The following DMD variants were observed in gnomAD, a reference collection of about 807,000 sequenced individuals.
DMD encodes the protein dystrophin.
DMD carries 63 observed loss-of-function variants against 330.1 expected under a neutral mutation model. The ratio of observed to expected loss-of-function variants is 0.19; its 90% confidence interval spans 0.16 to 0.24. The LOEUF (loss-of-function observed/expected upper bound fraction) is 0.24. Among genes scored for constraint, DMD ranks in the 10% least tolerant of loss-of-function variants. The pLI, the probability that DMD is intolerant of heterozygous loss-of-function variation, is 1.00. For synonymous variants in DMD, 1,223 were observed against 959.8 expected (o/e 1.27, Z -5.07); for missense variants, 3,344 against 2,684.1 (o/e 1.25, Z -5.43).
intron 1 of DMD, among the ~76,000 whole-genome samples, chrX:33,336,391 G>A (rs1156690355): frequency 9.1e-6 from 1 of 109,941 alleles, no homozygotes; most frequent in Admixed American, 9.9e-5. Context: ...ACATTTCAAA[G>A]CATATTTCTT....
intron 12 of DMD, among the ~76,000 whole-genome samples, chrX:32,602,166 A>C (rs1030607017): frequency 8.9e-6 from 1 of 111,912 alleles, no homozygotes; most frequent in Non-Finnish European, 1.9e-5. Flanking sequence ...TACATTAATA[A>C]AAGTAGGTTC....
chrX:32,271,206 A>C (rs1255269388), intron 43 of DMD, among the ~76,000 whole-genome samples: 2 of 112,024 alleles, frequency 1.8e-5, no homozygotes, highest in African/African-American at 6.5e-5. Flanking sequence ...GAAACTAAAA[A>C]AGCATTTCAA....
At chrX:32,380,169 T>C (rs113681467) in intron 34 of DMD, among the ~76,000 whole-genome samples, 7 of 111,544 alleles carry the variant, frequency 6.3e-5, no homozygotes, top group African/African-American at 2.3e-4. Flanking sequence ...CTTGCCCTCT[T>C]CATGGCTGTG....
At chrX:31,153,505 T>C (rs2037715021) in intron 74 of DMD, among the ~76,000 whole-genome samples, 1 of 111,121 alleles carries the variant, frequency 9.0e-6, no homozygotes, top group Admixed American at 9.6e-5. Context: ...TTCACAGAGA[T>C]GTTCATCTTG....
At chrX:32,776,291 C>CG (rs919968840) in intron 7 of DMD, among the ~76,000 whole-genome samples, 1 of 108,860 alleles carries the variant, frequency 9.2e-6, no homozygotes, top group Non-Finnish European at 1.9e-5. Context: ...GACCCCCCCC[C>CG]CAAATTGTTC....
At chrX:32,019,376 T>C (rs2095790858) in intron 44 of DMD, among the ~76,000 whole-genome samples, 1 of 112,011 alleles carries the variant, frequency 8.9e-6, no homozygotes, top group Non-Finnish European at 1.9e-5. Flanking sequence ...CCGAATTTTA[T>C]AATTTTTTCA....
At chrX:32,631,868 G>A (rs375054994) in intron 11 of DMD, among the ~76,000 whole-genome samples, 1 of 110,918 alleles carries the variant, frequency 9.0e-6, no homozygotes, top group East Asian at 2.9e-4. Context: ...TGTGAGATCT[G>A]GGCAAGAACA....
At chrX:32,350,945 G>A (rs922186589) in intron 37 of DMD, among the ~76,000 whole-genome samples, 1 of 110,584 alleles carries the variant, frequency 9.0e-6, no homozygotes, top group Non-Finnish European at 1.9e-5. Flanking sequence ...ACTTCTGTAT[G>A]AAAATGCATA....
chrX:31,246,505 G>A (rs1046013364), intron 63 of DMD, among the ~76,000 whole-genome samples: 26 of 112,422 alleles, frequency 2.3e-4, no homozygotes, highest in African/African-American at 7.7e-4. Flanking sequence ...AGCTCTAGAG[G>A]AGAAATCAAT....
At chrX:31,890,282 G>C (rs1439723428) in intron 47 of DMD, among the ~76,000 whole-genome samples, 4 of 106,736 alleles carry the variant, frequency 3.7e-5, no homozygotes, top group African/African-American at 1.0e-4. Context: ...GCCGAGGAAG[G>C]AGGACTGCTT....
At chrX:32,396,216 A>G (rs1390144470) in intron 30 of DMD, among the ~76,000 whole-genome samples, 1 of 111,565 alleles carries the variant, frequency 9.0e-6, no homozygotes, top group Admixed American at 9.6e-5. Context: ...CTCAAGGCAA[A>G]GCATTCCATG....
intron 1 of DMD, among the ~76,000 whole-genome samples, chrX:33,059,505 G>C (rs1389843387): frequency 9.0e-6 from 1 of 110,937 alleles, no homozygotes; most frequent in Non-Finnish European, 1.9e-5. Context: ...TCTTTTGCTA[G>C]GGCTGAGGAG....
At chrX:31,612,799 G>A (rs183836521) in intron 55 of DMD, among the ~76,000 whole-genome samples, 31 of 112,198 alleles carry the variant, frequency 2.8e-4, no homozygotes, top group Admixed American at 9.4e-4. Flanking sequence ...GGTATTTATC[G>A]TGCTTAAGAT....
chrX:32,267,084 T>TG (rs1315946586), intron 43 of DMD, among the ~76,000 whole-genome samples: 3 of 112,503 alleles, frequency 2.7e-5, no homozygotes, highest in Non-Finnish European at 5.6e-5. Flanking sequence ...TTGCCACTGT[T>TG]GTTTCCTTAT....
At chrX:31,279,173 A>G (rs913568988) in intron 62 of DMD, among the ~76,000 whole-genome samples, 2 of 112,172 alleles carry the variant, frequency 1.8e-5, no homozygotes, top group Non-Finnish European at 3.8e-5. Context: ...AGTATTTCTT[A>G]TATTTTTAAA....
chrX:31,755,679 A>C (rs1329868816), intron 51 of DMD, among the ~76,000 whole-genome samples: 2 of 112,145 alleles, frequency 1.8e-5, no homozygotes, highest in African/African-American at 6.5e-5. Flanking sequence ...AACTCCTTAC[A>C]TTCAACAATA....
intron 42 of DMD, among the ~76,000 whole-genome samples, chrX:32,292,299 A>ATTTTTTTTTTTT (rs1355530949): frequency 9.7e-5 from 3 of 30,859 alleles, no homozygotes; most frequent in Admixed American, 4.7e-4. Flanking sequence ...CAAAGGGAAT[A>ATTTTTTTTTTTT]TTCTTTTTTT....
intron 59 of DMD, among the ~76,000 whole-genome samples, chrX:31,471,208 G>A (rs7064750): frequency 1.8e-5 from 2 of 110,920 alleles, no homozygotes; most frequent in Non-Finnish European, 1.9e-5. Context: ...TGAAAAAAAC[G>A]CCTGCAGCTA....
At chrX:31,790,825 T>C (rs1281710778) in intron 50 of DMD, among the ~76,000 whole-genome samples, 2 of 111,674 alleles carry the variant, frequency 1.8e-5, no homozygotes, top group African/African-American at 6.5e-5. Context: ...TTCTGAAATA[T>C]TAAAAATGTT....
Sources: gnomAD v4.1 joint callset for allele counts (sites outside exome capture counted in the v4.1 genomes callset) on GRCh38, gnomAD v4.1.1 for gene constraint, MANE v1.5 for transcripts, NCBI Gene and HGNC (gene_info 2026-07-23, HGNC 2026-07-21) for gene names.